WWOX: variants seen among roughly 807,000 people sequenced by gnomAD.
WWOX encodes the protein WW domain containing oxidoreductase.
Under a neutral mutation model 46.2 loss-of-function variants are expected in WWOX, and 69 were observed. The ratio of observed to expected loss-of-function variants is 1.49; its 90% CI spans 1.23 to 1.82. WWOX has a LOEUF of 1.82. Ranked by LOEUF, WWOX falls within the 40% of genes most tolerant of loss-of-function variation. WWOX has a pLI of 0.00. For missense variants in WWOX, 919 were observed against 542.6 expected, an observed-to-expected ratio of 1.69 and a Z score of -6.89; for synonymous variants, 359 against 202.6, an observed-to-expected ratio of 1.77 and a Z score of -6.56.
chr16:79,071,035 G>T (rs1011786660), intron 8 of WWOX, among the ~76,000 whole-genome samples: 6 of 152,148 alleles, frequency 3.9e-5, no homozygotes, highest in African/African-American at 1.4e-4. Context: ...CAGCCCATAC[G>T]TGAATGCATG....
At chr16:78,969,397 G>A (rs1315526314) in intron 8 of WWOX, among the ~76,000 whole-genome samples, 2 of 151,924 alleles carry the variant, frequency 1.3e-5, no homozygotes, top group Non-Finnish European at 2.9e-5. Context: ...AGCCTCCCGA[G>A]TAGCTGGGAT....
intron 5 of WWOX, among the ~76,000 whole-genome samples, chr16:78,169,982 C>T (rs1368866545): frequency 2.0e-5 from 3 of 152,122 alleles, no homozygotes; most frequent in Admixed American, 1.3e-4. Context: ...ATTGAGATGG[C>T]CACAGGTTGG....
intron 6 of WWOX, among the ~76,000 whole-genome samples, chr16:78,416,574 T>C (rs1174868258): frequency 2.6e-5 from 4 of 152,172 alleles, no homozygotes. Flanking sequence ...CTGTCTTTGG[T>C]AGCAAGTTCC....
At position 78,351,006 on chromosome 16, in the gene WWOX, G is replaced by A. The variant is rs561654050; in HGVS notation, c.517-35854G>A. On this transcript the variant is annotated intron_variant, in intron 5 of 8. Transcript: ENST00000566780. ...CTTGTCATTTTATTGGGTATGAAGC[G>A]GTATTGCATTGTGATTTTGATTTGG... Among the ~76,000 whole-genome samples the A allele has an allele frequency of 3.2e-4, 48 of 152,158 alleles. 10 individuals are homozygous for A. Among genetic ancestry groups the A allele is most frequent in the African/African-American group, 9.9e-4 (41 of 41,482 alleles).
chr16:78,639,830 T>A (rs1229691292), intron 8 of WWOX, among the ~76,000 whole-genome samples: 1 of 152,262 alleles, frequency 6.6e-6, no homozygotes, highest in East Asian at 1.9e-4. Flanking sequence ...CCTCCCACAG[T>A]GTTGGGATCA....
chr16:78,548,178 ATTACG>A (rs2044089943), intron 8 of WWOX, among the ~76,000 whole-genome samples: 2 of 112,736 alleles, frequency 1.8e-5, no homozygotes, highest in African/African-American at 6.6e-5. Context: ...AAAAAAAAAA[ATTACG>A]AATTTTGCGA....
At chr16:79,001,487 A>G (rs1886223845) in intron 8 of WWOX, among the ~76,000 whole-genome samples, 2 of 152,226 alleles carry the variant, frequency 1.3e-5, no homozygotes, top group Non-Finnish European at 2.9e-5. Context: ...TAAGGCAATT[A>G]TATAGTGTGT....
intron 8 of WWOX, among the ~76,000 whole-genome samples, chr16:78,451,193 A>T (rs997670600): frequency 2.0e-5 from 3 of 152,142 alleles, no homozygotes; most frequent in Non-Finnish European, 4.4e-5. Context: ...TTAGAAATTA[A>T]ACTCACCTTT....
chr16:78,223,861 A>G (rs80206593), intron 5 of WWOX, among the ~76,000 whole-genome samples: 1,564 of 152,304 alleles, frequency 0.01, 24 homozygotes, highest in African/African-American at 0.036. Flanking sequence ...ATATTCATAG[A>G]ATCCATATGT....
intron 8 of WWOX, among the ~76,000 whole-genome samples, chr16:78,547,148 A>AC (rs1248252239): frequency 8.8e-4 from 80 of 90,444 alleles, no homozygotes; most frequent in Admixed American, 1.9e-3. Context: ...AAAAAAAAAA[A>AC]AAAAAAAAAA....
chr16:78,437,179 G>T (rs74030241), intron 8 of WWOX, among the ~76,000 whole-genome samples: 1 of 152,164 alleles, frequency 6.6e-6, no homozygotes, highest in Non-Finnish European at 1.5e-5. Context: ...CTCTGTAGCT[G>T]GCTCCCTTAA....
At chr16:78,856,173 T>C (rs947975278) in intron 8 of WWOX, among the ~76,000 whole-genome samples, 1 of 152,152 alleles carries the variant, frequency 6.6e-6, no homozygotes, top group Non-Finnish European at 1.5e-5. Context: ...AAATAATTTT[T>C]TTGGTGCATA....
chr16:78,639,544 C>T (rs556547051), intron 8 of WWOX, among the ~76,000 whole-genome samples: 54 of 151,104 alleles, frequency 3.6e-4, no homozygotes, highest in African/African-American at 1.3e-3. Context: ...GAGGCCTCCC[C>T]TCAGACTCCA....
intron 8 of WWOX, among the ~76,000 whole-genome samples, chr16:78,904,624 T>C (rs1037648919): frequency 1.3e-5 from 2 of 152,164 alleles, no homozygotes; most frequent in African/African-American, 4.8e-5. Context: ...GTTGGTGCTA[T>C]GATTACAGTG....
At chr16:78,947,923 A>G (rs1567668483) in intron 8 of WWOX, among the ~76,000 whole-genome samples, 1 of 152,206 alleles carries the variant, frequency 6.6e-6, no homozygotes, top group Non-Finnish European at 1.5e-5. Context: ...TAATTATGTC[A>G]TTGAAAAAAA....
At chr16:78,858,039 G>C (rs1391528801) in intron 8 of WWOX, among the ~76,000 whole-genome samples, 2 of 151,960 alleles carry the variant, frequency 1.3e-5, no homozygotes, top group Non-Finnish European at 2.9e-5. Context: ...TATTAATAAA[G>C]AGGTATTTGA....
At chr16:78,617,182 C>T (rs950622842) in intron 8 of WWOX, among the ~76,000 whole-genome samples, 1 of 152,070 alleles carries the variant, frequency 6.6e-6, no homozygotes, top group Non-Finnish European at 1.5e-5. Flanking sequence ...GAGGCTGAGG[C>T]AGGTGGATCA....
intron 8 of WWOX, among the ~76,000 whole-genome samples, chr16:78,543,491 G>A (rs948263508): frequency 6.6e-6 from 1 of 152,210 alleles, no homozygotes; most frequent in Admixed American, 6.5e-5. Context: ...CTTGGTCATT[G>A]CAGCTTCCAC....
At chr16:78,927,054 C>G (rs1387116082) in intron 8 of WWOX, among the ~76,000 whole-genome samples, 1 of 152,176 alleles carries the variant, frequency 6.6e-6, no homozygotes, top group Non-Finnish European at 1.5e-5. Context: ...CCTTGGCCTC[C>G]CAAATTGCTG....
Sources: allele counts gnomAD v4.1 joint callset (sites outside exome capture counted in the v4.1 genomes callset), GRCh38; gene constraint gnomAD v4.1.1; transcripts MANE v1.5; gene names NCBI Gene and HGNC (gene_info 2026-07-23, HGNC 2026-07-21).